Variants in DNAJC6 observed in about 807,000 individuals in gnomAD.
DNAJC6 encodes the protein auxilin.
Under a neutral mutation model 110.0 loss-of-function variants are expected in DNAJC6, and 34 were observed. The ratio of observed to expected loss-of-function variants is 0.31; its 90% CI spans 0.24 to 0.41. The LOEUF is 0.41. Ranked by LOEUF, DNAJC6 falls within the 10% of genes least tolerant of loss-of-function variation. The pLI is 1.00. For synonymous variants in DNAJC6, 406 were observed against 437.2 expected, an observed-to-expected ratio of 0.93 and a Z score of 0.89; for missense variants, 1,031 against 1,207.8, an observed-to-expected ratio of 0.85 and a Z score of 2.17.
chr1:65,399,125 T>A (rs1646006798), intron 14 of DNAJC6, among the ~76,000 whole-genome samples: 1 of 152,160 alleles, frequency 6.6e-6, no homozygotes, highest in African/African-American at 2.4e-5. Context: ...GACAATAGAA[T>A]CAGACGGATA....
intron 1 of DNAJC6, among the ~76,000 whole-genome samples, chr1:65,296,839 G>C (rs1644934342): frequency 1.3e-5 from 2 of 152,062 alleles, no homozygotes; most frequent in Admixed American, 1.3e-4. Flanking sequence ...ACCTGCCTCG[G>C]CCTCCAAAAG....
At chr1:65,343,310 A>G (rs1645406841) in intron 1 of DNAJC6, among the ~76,000 whole-genome samples, 1 of 152,206 alleles carries the variant, frequency 6.6e-6, no homozygotes, top group Admixed American at 6.5e-5. Flanking sequence ...AACCACACAG[A>G]CCAGACTGCA....
At chr1:65,303,621 T>C (rs192920322) in intron 1 of DNAJC6, among the ~76,000 whole-genome samples, 7 of 152,070 alleles carry the variant, frequency 4.6e-5, no homozygotes, top group African/African-American at 1.7e-4. Flanking sequence ...TGCAGTGGCA[T>C]GATCTCGGCT....
At chr1:65,343,925 T>C (rs969778930) in intron 1 of DNAJC6, among the ~76,000 whole-genome samples, 2 of 152,118 alleles carry the variant, frequency 1.3e-5, no homozygotes, top group Non-Finnish European at 2.9e-5. Flanking sequence ...AGGCTTCAGT[T>C]TGTGAGTGGA....
intron 1 of DNAJC6, among the ~76,000 whole-genome samples, chr1:65,320,629 C>G (rs1645189490): frequency 1.3e-5 from 2 of 152,176 alleles, no homozygotes; most frequent in African/African-American, 4.8e-5. Flanking sequence ...TGGCTGCCTA[C>G]TATGTGCTGC....
intron 4 of DNAJC6, among the ~76,000 whole-genome samples, chr1:65,371,738 G>T (rs1044238547): frequency 6.6e-6 from 1 of 152,164 alleles, no homozygotes; most frequent in Non-Finnish European, 1.5e-5. Flanking sequence ...TCATGGCAGT[G>T]CTGTAATCTG....
At chr1:65,345,254 G>GTGTA (rs1459706235) in intron 1 of DNAJC6, among the ~76,000 whole-genome samples, 1 of 151,774 alleles carries the variant, frequency 6.6e-6, no homozygotes, top group Admixed American at 6.6e-5. Flanking sequence ...GTGTGTGTGT[G>GTGTA]TGTGTGTGTG....
chr1:65,309,804 A>T lies in DNAJC6; in HGVS notation c.59A>T (p.Gln20Leu). The T allele has an allele frequency of 6.5e-7, 1 of 1,549,802 alleles. No homozygotes were observed. Reference protein sequence around the residue: ...KTSNDGYESLQLVDSNGDLSA... With the variant: ...KTSNDGYESLLLVDSNGDLSA... Reference sequence around the variant, plus strand: ...AGCAACGATGGTTATGAATCTTTGCAGCTGGTGGACAGTAACGGGGACTTA... The same window carrying T: ...AGCAACGATGGTTATGAATCTTTGCTGCTGGTGGACAGTAACGGGGACTTA... Residue 20 changes from glutamine (Q) to leucine (L), a missense_variant, in exon 1 of 19, where the codon CAG (glutamine) becomes CTG (leucine). Gln to Leu is a moderately radical substitution (Grantham distance 113). Transcript: ENST00000371069.
At chr1:65,268,497 G>T (rs1653407790) in intron 1 of DNAJC6, among the ~76,000 whole-genome samples, 1 of 152,162 alleles carries the variant, frequency 6.6e-6, no homozygotes, top group Admixed American at 6.5e-5. Context: ...TCTGGGAGGT[G>T]CTTTACATAT....
chr1:65,310,197 A>G (rs1247821089), intron 1 of DNAJC6, among the ~76,000 whole-genome samples: 1 of 111,392 alleles, frequency 9.0e-6, no homozygotes, highest in South Asian at 3.5e-4. Context: ...TGAATACGGC[A>G]GCTGGGGGCG....
At position 65,334,185 on chromosome 1, in the gene DNAJC6, A is replaced by G. The variant is rs900574678; in HGVS notation, c.193+24247A>G. 3.9e-5 allele frequency among the ~76,000 whole-genome samples: 6 copies of G among 152,394 alleles called. No individual in the cohort carries two copies. The East Asian group carries it at 1.2e-3, about 29-fold the overall frequency. ...CAGATACACAAACTGCAAGTATAACATGTAACCATGTTTGACAGGAGAAGT... is the reference window on the plus strand; with the variant it reads ...CAGATACACAAACTGCAAGTATAACGTGTAACCATGTTTGACAGGAGAAGT... On this transcript the variant is annotated intron_variant, in intron 1 of 18. Coordinates refer to ENST00000371069, the MANE Select transcript of DNAJC6 (RefSeq NM_001256864.2).
At chr1:65,409,426 C>A (rs1342760441) in intron 17 of DNAJC6, among the ~76,000 whole-genome samples, 3 of 152,076 alleles carry the variant, frequency 2.0e-5, no homozygotes, top group African/African-American at 4.8e-5. Context: ...ATATAGATTT[C>A]TTTTGTTTGC....
chr1:65,293,120 A>G (rs1644895481), intron 1 of DNAJC6, among the ~76,000 whole-genome samples: 1 of 152,262 alleles, frequency 6.6e-6, no homozygotes, highest in Admixed American at 6.5e-5. Context: ...CTGCTGTCAC[A>G]GAACATCATA....
chr1:65,347,487 T>C (rs1332454230), intron 1 of DNAJC6, among the ~76,000 whole-genome samples: 1 of 152,074 alleles, frequency 6.6e-6, no homozygotes, highest in Non-Finnish European at 1.5e-5. Flanking sequence ...TTTATGTATG[T>C]CCTTAAGTGT....
chr1:65,383,304 G>A (rs528590358), intron 5 of DNAJC6, among the ~76,000 whole-genome samples: 62 of 152,308 alleles, frequency 4.1e-4, no homozygotes, highest in African/African-American at 1.4e-3. Context: ...CAAGATCAAG[G>A]TGACTGCAGT....
At chr1:65,340,776 T>TCTGTC (rs1289240693) in intron 1 of DNAJC6, among the ~76,000 whole-genome samples, 1 of 152,182 alleles carries the variant, frequency 6.6e-6, no homozygotes, top group African/African-American at 2.4e-5. Flanking sequence ...TTTAGGGCTG[T>TCTGTC]CTGTCCTCTG....
intron 1 of DNAJC6, among the ~76,000 whole-genome samples, chr1:65,285,786 C>T (rs1653996927): frequency 6.6e-6 from 1 of 152,126 alleles, no homozygotes; most frequent in African/African-American, 2.4e-5. Context: ...GATTCTCGTG[C>T]CTCAGCCTCC....
intron 1 of DNAJC6, among the ~76,000 whole-genome samples, chr1:65,337,083 T>A (rs914526861): frequency 6.6e-6 from 1 of 151,490 alleles, no homozygotes; most frequent in African/African-American, 2.4e-5. Context: ...GCTGACTGCA[T>A]CCCTGTGGTG....
At position 65,366,181 on chromosome 1, in the gene DNAJC6, C is replaced by G. The variant is rs1645644637; in HGVS notation, c.528C>G (p.Ala176=). The stretch of plus-strand genomic sequence containing the variant: ...TGTCACCTAAGTCTTATCGAACTGC[C>G]AAGTTTCACAGCCGGGTAAGGATTT... The part of the protein sequence containing the change: ...YNLSPKSYRT[A]KFHSRVSECS... The change falls in exon 4 of 19, where the codon GCC becomes GCG. Residue 176 remains alanine (A), a synonymous_variant. Coordinates refer to ENST00000371069, the MANE Select transcript of DNAJC6 (RefSeq NM_001256864.2). The G allele has an allele frequency of 1.8e-5, 29 of 1,613,462 alleles. No individual in the cohort carries two copies. Among genetic ancestry groups the G allele is most frequent in the Non-Finnish European group, 2.5e-5 (29 of 1,179,646 alleles).
Sources: allele counts gnomAD v4.1 joint callset (sites outside exome capture counted in the v4.1 genomes callset), GRCh38; gene constraint gnomAD v4.1.1; transcripts MANE v1.5; gene names NCBI Gene and HGNC (gene_info 2026-07-23, HGNC 2026-07-21).